The following CNTNAP2 variants were observed in gnomAD, a reference collection of about 807,000 sequenced individuals.
The protein encoded by CNTNAP2 is contactin associated protein 2.
Under a neutral mutation model 155.2 loss-of-function variants are expected in CNTNAP2, and 98 were observed. The observed-to-expected ratio is 0.63, with a 90% CI of 0.54 to 0.75. The LOEUF is 0.75. Among genes scored for constraint, CNTNAP2 ranks in the 30% least tolerant of loss-of-function variants. CNTNAP2 has a pLI of 0.00. For synonymous variants in CNTNAP2, 651 were observed against 631.2 expected (o/e 1.03, Z -0.47); for missense variants, 1,727 against 1,688.1 (o/e 1.02, Z -0.40).
rs527264464 is a variant in CNTNAP2 at position 147,197,172 on chromosome 7, C to T, written c.1348+64663C>T. Among the ~76,000 whole-genome samples the T allele has an allele frequency of 8.9e-4, 135 of 152,126 alleles. 1 individual carries two copies. The highest frequency in any genetic ancestry group is 4.8e-3 in the Admixed American group (73 of 15,282). ...GTATAACTTTGTAACTTCACTTCAG[C>T]CTCTGATTGGTTGCTTTCCACAACC... On this transcript the variant is annotated intron_variant, in intron 8 of 23. Transcript: ENST00000361727.
At chr7:148,330,271 T>G (rs1255389924) in intron 21 of CNTNAP2, among the ~76,000 whole-genome samples, 7 of 105,266 alleles carry the variant, frequency 6.6e-5, no homozygotes, top group Admixed American at 2.9e-4. Context: ...CGGATGGATG[T>G]AATGGATCAA....
chr7:147,408,352 T>C (rs1797044624), intron 10 of CNTNAP2, among the ~76,000 whole-genome samples: 1 of 152,140 alleles, frequency 6.6e-6, no homozygotes. Flanking sequence ...TACATGGGTG[T>C]GAATGACTTG....
At chr7:147,464,872 CTG>C (rs558823770) in intron 10 of CNTNAP2, among the ~76,000 whole-genome samples, 117 of 152,284 alleles carry the variant, frequency 7.7e-4, no homozygotes, top group Admixed American at 5.3e-3. Context: ...ATGTCTAAGA[CTG>C]TGTAAACAAT....
chr7:146,143,476 T>C (rs1350791326), intron 1 of CNTNAP2, among the ~76,000 whole-genome samples: 3 of 152,112 alleles, frequency 2.0e-5, no homozygotes, highest in Non-Finnish European at 4.4e-5. Context: ...CAGAAAATTA[T>C]GTCCAGTCTT....
At chr7:146,158,973 G>T (rs1290410993) in intron 1 of CNTNAP2, among the ~76,000 whole-genome samples, 2 of 152,150 alleles carry the variant, frequency 1.3e-5, no homozygotes, top group East Asian at 1.9e-4. Context: ...AGGAAAAAAT[G>T]TTAAGGGCAG....
Position 147,189,462 on chromosome 7 carries a change from G to C in CNTNAP2, c.1348+56953G>C, listed in dbSNP as rs1380986335. ...ACAGATAGGGTAATACTCTGTCCTT[G>C]GAACTTTGCTGAGAAAGTATCAGGA... is the stretch of plus-strand genomic sequence containing the variant. On this transcript the variant is annotated intron_variant, in intron 8 of 23. Coordinates refer to ENST00000361727, the MANE Select transcript of CNTNAP2 (RefSeq NM_014141.6). 3.3e-5 allele frequency among the ~76,000 whole-genome samples: 5 copies of C among 151,930 alleles called. No individual in the cohort carries two copies. In the East Asian group the frequency reaches 9.7e-4, roughly 29 times the overall value.
intron 3 of CNTNAP2, among the ~76,000 whole-genome samples, chr7:146,870,418 A>T (rs557761645): frequency 2.2e-4 from 33 of 152,250 alleles, no homozygotes; most frequent in African/African-American, 7.7e-4. Flanking sequence ...CTGTGAGATC[A>T]GTAGTAACAT....
intron 1 of CNTNAP2, among the ~76,000 whole-genome samples, chr7:146,509,981 G>A (rs563949361): frequency 6.6e-6 from 1 of 152,108 alleles, no homozygotes; most frequent in Middle Eastern, 3.4e-3. Flanking sequence ...GGGGCCACAC[G>A]GCTGACCTAG....
chr7:147,590,904 G>A (rs998893680), intron 12 of CNTNAP2, among the ~76,000 whole-genome samples: 6 of 152,202 alleles, frequency 3.9e-5, no homozygotes, highest in African/African-American at 1.4e-4. Context: ...CTGAGTGAGA[G>A]AGAGCAGCAA....
intron 15 of CNTNAP2, among the ~76,000 whole-genome samples, chr7:148,024,043 A>G (rs183821597): frequency 2.0e-5 from 3 of 152,040 alleles, no homozygotes; most frequent in African/African-American, 7.2e-5. Flanking sequence ...AACAACATCT[A>G]GAAGTAGACA....
intron 1 of CNTNAP2, among the ~76,000 whole-genome samples, chr7:146,530,552 A>T (rs1797755861): frequency 6.6e-6 from 1 of 152,204 alleles, no homozygotes; most frequent in South Asian, 2.1e-4. Flanking sequence ...AACCTCATTA[A>T]AAAGTGGGCA....
intron 18 of CNTNAP2, among the ~76,000 whole-genome samples, chr7:148,194,136 AGTGT>A (rs5888309): frequency 7.1e-5 from 10 of 141,792 alleles, no homozygotes; most frequent in South Asian, 2.4e-4. Context: ...ATGCCTGGCT[AGTGT>A]GTGTGTGTGT....
intron 13 of CNTNAP2, among the ~76,000 whole-genome samples, chr7:147,816,704 G>T (rs1365071573): frequency 2.0e-5 from 3 of 152,006 alleles, no homozygotes; most frequent in Non-Finnish European, 4.4e-5. Context: ...ATATTTTTCA[G>T]TAATCAAAAT....
At chr7:146,989,830 G>A (rs1381035820) in intron 3 of CNTNAP2, among the ~76,000 whole-genome samples, 6 of 152,004 alleles carry the variant, frequency 3.9e-5, no homozygotes, top group Non-Finnish European at 8.8e-5. Flanking sequence ...CTTAGCTTAT[G>A]ATTCAAGAAC....
rs140917018 is a variant in CNTNAP2 at position 146,329,625 on chromosome 7, C to T, written c.97+212652C>T. The stretch of plus-strand genomic sequence containing the variant: ...CACTTTCACTTGAAAACCTCAGCTT[C>T]GATTTTTATTATGTCAGTTTCTCTA... On this transcript the variant is annotated intron_variant, in intron 1 of 23. Transcript: ENST00000361727. Among the ~76,000 whole-genome samples, 92 of 152,276 alleles carry T rather than the reference C, an allele frequency of 6.0e-4. 1 individual carries two copies. The highest frequency in any genetic ancestry group is 2.1e-3 in the African/African-American group (87 of 41,572).
At chr7:146,863,769 A>G (rs924652935) in intron 3 of CNTNAP2, among the ~76,000 whole-genome samples, 5 of 152,120 alleles carry the variant, frequency 3.3e-5, no homozygotes, top group African/African-American at 4.8e-5. Context: ...TAAAGATTGA[A>G]GATAAAATAC....
intron 3 of CNTNAP2, among the ~76,000 whole-genome samples, chr7:146,999,138 C>T (rs760196414): frequency 1.3e-5 from 2 of 150,084 alleles, no homozygotes; most frequent in South Asian, 2.1e-4. Context: ...TTTCTGTTAG[C>T]GTATCTGTTA....
chr7:147,316,294 T>G (rs1795232448), intron 9 of CNTNAP2, among the ~76,000 whole-genome samples: 1 of 152,110 alleles, frequency 6.6e-6, no homozygotes, highest in South Asian at 2.1e-4. Flanking sequence ...TGTCTGTTAT[T>G]ATCAGACATT....
Position 148,128,522 on chromosome 7 carries a change from C to G in CNTNAP2, c.2554+10234C>G, listed in dbSNP as rs569387740. Reference sequence around the variant, plus strand: ...TATATTAAAGCTTTTCATATAATAGCTTTTTGTTCTTAATAAATATTAAAA... The same window carrying G: ...TATATTAAAGCTTTTCATATAATAGGTTTTTGTTCTTAATAAATATTAAAA... On this transcript the variant is annotated intron_variant, in intron 16 of 23. Coordinates refer to ENST00000361727, the MANE Select transcript of CNTNAP2 (RefSeq NM_014141.6). Among the ~76,000 whole-genome samples, 5 of 151,962 alleles carry G rather than the reference C, an allele frequency of 3.3e-5. No homozygotes were observed. In the South Asian group the frequency reaches 1.0e-3, roughly 32 times the overall value.
Sources: gnomAD v4.1 joint callset for allele counts (sites outside exome capture counted in the v4.1 genomes callset) on GRCh38, gnomAD v4.1.1 for gene constraint, MANE v1.5 for transcripts, NCBI Gene and HGNC (gene_info 2026-07-23, HGNC 2026-07-21) for gene names.